GALNT10: variants seen among roughly 807,000 people sequenced by gnomAD.
GALNT10 encodes GalNAc transferase 10.
Under a neutral mutation model 75.0 loss-of-function variants are expected in GALNT10, and 41 were observed. The observed-to-expected ratio is 0.55, with a 90% CI of 0.43 to 0.71. GALNT10 has a LOEUF of 0.71. Among genes scored for constraint, GALNT10 ranks in the 30% least tolerant of loss-of-function variants. The pLI, the probability that GALNT10 is intolerant of heterozygous loss-of-function variation, is 0.00. For missense variants in GALNT10, 727 were observed against 818.5 expected (o/e 0.89, Z 1.36); for synonymous variants, 302 against 313.0 (o/e 0.96, Z 0.37).
chr5:154,272,922 C>A (rs1003050765), intron 1 of GALNT10, among the ~76,000 whole-genome samples: 1 of 119,386 alleles, frequency 8.4e-6, no homozygotes, highest in Non-Finnish European at 1.8e-5. Context: ...CTTACTGCAA[C>A]CTTGAATTGT....
intron 1 of GALNT10, among the ~76,000 whole-genome samples, chr5:154,218,657 C>T (rs1033625046): frequency 5.9e-5 from 9 of 152,060 alleles, no homozygotes; most frequent in Non-Finnish European, 1.2e-4. Context: ...TTTGTTAATA[C>T]GTTAAAACCA....
Position 154,412,545 on chromosome 5 carries a change from G to A in GALNT10, c.1387-344G>A. ...CCTGCACCTGAGTCACCTGGAATGG[G>A]GGTAAAATCTGGTTCCTGGACCTGT... On this transcript the variant is annotated intron_variant, in intron 9 of 11. Coordinates refer to ENST00000297107, the MANE Select transcript of GALNT10 (RefSeq NM_198321.4). The surrounding 1 kb of genome is among the most constrained non-coding windows in gnomAD (Gnocchi z 4.2). The A allele has an allele frequency of 7.1e-6, 2 of 282,892 alleles. No individual in the cohort carries two copies. Among genetic ancestry groups the A allele is most frequent in the South Asian group, 3.4e-5 (1 of 29,746 alleles). 17.5% of individuals were successfully genotyped at this position (282,892 alleles called of 1,614,324 possible). A position where few individuals can be genotyped will look rare whatever the true frequency, so the allele number is the denominator to read the frequency against.
intron 7 of GALNT10, among the ~76,000 whole-genome samples, chr5:154,401,496 C>T (rs893083733): frequency 3.3e-5 from 5 of 152,182 alleles, no homozygotes; most frequent in Admixed American, 6.5e-5. Flanking sequence ...GGGATGCTGG[C>T]GCCTGATCAA....
intron 1 of GALNT10, among the ~76,000 whole-genome samples, chr5:154,211,855 A>C (rs1252819474): frequency 6.6e-6 from 1 of 152,132 alleles, no homozygotes; most frequent in Admixed American, 6.5e-5. Context: ...CCCAGAGCAC[A>C]CCATCCAAGA....
chr5:154,287,036 T>C (rs1383909789), intron 1 of GALNT10, among the ~76,000 whole-genome samples: 1 of 152,232 alleles, frequency 6.6e-6, no homozygotes, highest in African/African-American at 2.4e-5. Context: ...CCAGAATGAA[T>C]GATCCTCAGC....
At chr5:154,344,394 T>C (rs1193084103) in intron 4 of GALNT10, among the ~76,000 whole-genome samples, 3 of 151,978 alleles carry the variant, frequency 2.0e-5, no homozygotes, top group African/African-American at 7.3e-5. Flanking sequence ...GCATTTTTAA[T>C]AGAAACAGGG....
intron 3 of GALNT10, among the ~76,000 whole-genome samples, chr5:154,323,437 G>A (rs1032304484): frequency 1.3e-5 from 2 of 152,178 alleles, no homozygotes; most frequent in Admixed American, 1.3e-4. Context: ...GCCGGATTTG[G>A]CCTTCGGACC....
intron 4 of GALNT10, among the ~76,000 whole-genome samples, chr5:154,353,822 A>G (rs947117749): frequency 7.2e-5 from 11 of 151,978 alleles, no homozygotes; most frequent in African/African-American, 2.4e-4. Flanking sequence ...TGCCTTCCCC[A>G]TCTCTTGTCC....
chr5:154,342,893 A>G lies in GALNT10; in HGVS notation c.568+13155A>G, dbSNP rs576065651. Among the ~76,000 whole-genome samples, 3 of 152,314 alleles carry G rather than the reference A, an allele frequency of 2.0e-5. No individual in the cohort carries two copies. In the South Asian group the frequency reaches 6.2e-4, roughly 32 times the overall value. Reference sequence around the variant, plus strand: ...CTAATTATATCCTTGAGAGGCTGTTATTATGTGGATGATCAGATACACTCA... The same window carrying G: ...CTAATTATATCCTTGAGAGGCTGTTGTTATGTGGATGATCAGATACACTCA... On this transcript the variant is annotated intron_variant, in intron 4 of 11. Transcript: ENST00000297107.
At chr5:154,280,144 A>G (rs1169608347) in intron 1 of GALNT10, among the ~76,000 whole-genome samples, 1 of 152,238 alleles carries the variant, frequency 6.6e-6, no homozygotes, top group Admixed American at 6.5e-5. Flanking sequence ...ATGTTAAGGG[A>G]AATAAACCAG....
chr5:154,224,780 T>TC (rs1414666149), intron 1 of GALNT10, among the ~76,000 whole-genome samples: 1 of 144,910 alleles, frequency 6.9e-6, no homozygotes, highest in Non-Finnish European at 1.5e-5. Context: ...GCTCACTTCT[T>TC]TTTTTTTTTT....
At chr5:154,255,668 G>C (rs1311423911) in intron 1 of GALNT10, among the ~76,000 whole-genome samples, 1 of 152,062 alleles carries the variant, frequency 6.6e-6, no homozygotes, top group East Asian at 1.9e-4. Flanking sequence ...TCCAGGTCTA[G>C]TATGTCTTCC....
intron 4 of GALNT10, among the ~76,000 whole-genome samples, chr5:154,354,446 G>A (rs552271346): frequency 3.2e-4 from 49 of 152,316 alleles, no homozygotes; most frequent in Admixed American, 2.7e-3. Flanking sequence ...AGCTCACCAG[G>A]GGGAACAGCA....
chr5:154,313,795 A>G (rs1334222142), intron 3 of GALNT10, among the ~76,000 whole-genome samples: 1 of 152,112 alleles, frequency 6.6e-6, no homozygotes, highest in Admixed American at 6.5e-5. Context: ...GAGGCTTACA[A>G]TCAGTATGTG....
At chr5:154,360,376 G>A (rs759079902) in intron 4 of GALNT10, among the ~76,000 whole-genome samples, 5 of 151,764 alleles carry the variant, frequency 3.3e-5, no homozygotes, top group Admixed American at 6.6e-5. Flanking sequence ...ACTTGAATCC[G>A]GAAGGCGGAG....
chr5:154,344,209 CTTTT>C (rs869306243), intron 4 of GALNT10, among the ~76,000 whole-genome samples: 1 of 35,510 alleles, frequency 2.8e-5, no homozygotes, highest in Non-Finnish European at 7.4e-5. Context: ...TTCTTTCTTT[CTTTT>C]TTTTTTTTTT....
At chr5:154,293,613 A>ATATATATTTTTTTTTTTTTTTTTTTTT in intron 1 of GALNT10, among the ~76,000 whole-genome samples, 1 of 109,360 alleles carries the variant, frequency 9.1e-6, no homozygotes, top group African/African-American at 4.2e-5. Context: ...ATATATATAT[A>ATATATATTTTTTTTTTTTTTTTTTTTT]TTTTTTTTTT....
chr5:154,404,160 C>G lies in GALNT10; in HGVS notation c.1113C>G (p.Ile371Met), dbSNP rs776342363. 4 of 1,613,180 alleles carry G rather than the reference C, an allele frequency of 2.5e-6. 1 individual carries two copies. The South Asian group carries it at 4.4e-5, about 18-fold the overall frequency. Residue 371 changes from isoleucine to methionine, a missense_variant, in exon 8 of 12, where the codon ATC (isoleucine) becomes ATG (methionine). Ile to Met is a conservative substitution (Grantham distance 10). Transcript: ENST00000297107. Reference sequence around the variant, plus strand: ...TCCCCTGCTCCAGGGTGGGCCATATCTACAGGAAGTATGTGCCCTACAAGG... The same window carrying G: ...TCCCCTGCTCCAGGGTGGGCCATATGTACAGGAAGTATGTGCCCTACAAGG... The part of the protein sequence containing the change: ...EDIPCSRVGH[I>M]YRKYVPYKVP...
intron 1 of GALNT10, among the ~76,000 whole-genome samples, chr5:154,268,464 G>A (rs961858946): frequency 6.6e-6 from 1 of 152,284 alleles, no homozygotes; most frequent in Non-Finnish European, 1.5e-5. Flanking sequence ...TCACATTAGA[G>A]TTAAGGAGCC....
Sources: allele counts gnomAD v4.1 joint callset (sites outside exome capture counted in the v4.1 genomes callset), GRCh38; gene constraint gnomAD v4.1.1; non-coding constraint Gnocchi (gnomAD v3.1); transcripts MANE v1.5; gene names NCBI Gene and HGNC (gene_info 2026-07-23, HGNC 2026-07-21).